The following ELFN1 variants were observed in gnomAD, a reference collection of about 807,000 sequenced individuals.
ELFN1 encodes the protein protein ELFN1.
In ELFN1, 6 loss-of-function variants were observed where a neutral mutation model predicts 7.6. The observed-to-expected ratio is 0.79, with a 90% CI of 0.43 to 1.56. The LOEUF (loss-of-function observed/expected upper bound fraction) is 1.56. Among genes scored for constraint, ELFN1 ranks in the 40% most tolerant of loss-of-function variants. The pLI is 0.01. For missense variants in ELFN1, 1,169 were observed against 1,232.2 expected (o/e 0.95, Z 0.77); for synonymous variants, 657 against 588.1 (o/e 1.12, Z -1.70).
intron 3 of ELFN1, among the ~76,000 whole-genome samples, chr7:1,711,577 AGAGAGAGAGAG>A (rs1779654268): frequency 1.8e-4 from 1 of 5,600 alleles, no homozygotes; most frequent in Non-Finnish European, 3.9e-4. Context: ...CGAGAGAGTG[AGAGAGAGAGAG>A]AGAGAGAGAG....
chr7:1,724,832 T>TCCC (rs1352633399), intron 3 of ELFN1, among the ~76,000 whole-genome samples: 1 of 152,134 alleles, frequency 6.6e-6, no homozygotes, highest in East Asian at 1.9e-4. Flanking sequence ...CACACCCACC[T>TCCC]CCCGTCCTGC....
rs115909895 is a variant in ELFN1, at chr7:1,732,062, C to T, written c.-293-12242C>T. Among the ~76,000 whole-genome samples the T allele has an allele frequency of 8.9e-3, 1,348 of 152,248 alleles. 20 individuals are homozygous for T. Among genetic ancestry groups the T allele is most frequent in the African/African-American group, 0.031 (1,287 of 41,534 alleles). ...ACCCCAGCTCCAGCCCTACCTGCCC[C>T]GAGCTTTCGGTGCAGAAGGTGGACT... On this transcript the variant is annotated intron_variant, in intron 3 of 3. Coordinates refer to ENST00000424383, the MANE Select transcript of ELFN1 (RefSeq NM_001128636.4).
At chr7:1,719,418 A>T (rs1779947814) in intron 3 of ELFN1, among the ~76,000 whole-genome samples, 3 of 151,924 alleles carry the variant, frequency 2.0e-5, no homozygotes, top group Admixed American at 2.0e-4. Flanking sequence ...CCCGCCCACC[A>T]ACAGGACCGG....
intron 2 of ELFN1, among the ~76,000 whole-genome samples, chr7:1,694,532 G>A (rs1212882794): frequency 2.6e-5 from 4 of 152,172 alleles, no homozygotes; most frequent in Admixed American, 1.3e-4. Flanking sequence ...TAGAGCTCTG[G>A]TCCATCAGTC....
Position 1,746,436 on chromosome 7 carries a change from C to T in ELFN1, c.1840C>T (p.Pro614Ser). 6.5e-7 allele frequency: 1 copy of T among 1,531,298 alleles called. No homozygotes were observed. Among genetic ancestry groups the T allele is most frequent in the Non-Finnish European group, 8.8e-7 (1 of 1,142,062 alleles). The allele number at this position is 1,531,298 out of a possible 1,614,324, so 94.9% of individuals were successfully genotyped here. Reference sequence around the variant, plus strand: ...GGCCGCCAAGCACGGCTTCCTGGCGCCCGGGTACAAGGACGCCTTCGGCCA... The same window carrying T: ...GGCCGCCAAGCACGGCTTCCTGGCGTCCGGGTACAAGGACGCCTTCGGCCA... ...PLAAKHGFLA[P>S]GYKDAFGHSL... is the part of the protein sequence containing the mutation. The change falls in exon 4 of 4, where the codon CCC becomes TCC. Residue 614 changes from proline to serine, a missense_variant. This residue lies in a region of ELFN1 where 914 missense variants were observed against 872.6 expected (regional missense o/e 1.05). Coordinates refer to ENST00000424383, the MANE Select transcript of ELFN1 (RefSeq NM_001128636.4).
Position 1,740,614 on chromosome 7 carries a change from C to A in ELFN1, c.-293-3690C>A, listed in dbSNP as rs189388711. 2.0e-5 allele frequency among the ~76,000 whole-genome samples: 3 copies of A among 152,228 alleles called. No individual in the cohort carries two copies. In the East Asian group the frequency reaches 5.8e-4, roughly 29 times the overall value. On this transcript the variant is annotated intron_variant, in intron 3 of 3. Coordinates refer to ENST00000424383, the MANE Select transcript of ELFN1 (RefSeq NM_001128636.4). This position sits in a 1 kb window ranked among gnomAD's most constrained non-coding sequence, Gnocchi z 5.0. ...TCCAGAACCTTCCTAGGTGATTCGG[C>A]CTTTCCCTGTTTCCTGTGCCAGGTC...
rs1019132149 is a variant in ELFN1, at chr7:1,746,753, C to T, written c.2157C>T (p.Pro719=). ...ACCCGGCCGAGCCACCTGCGCCCCC[C>T]GGGCCACCGCCGCCGCCTCCGCACG... The part of the protein sequence containing the change: ...GSHPAEPPAP[P]GPPPPPPHEG... The change falls in exon 4 of 4, where the codon CCC becomes CCT. Residue 719 remains proline (P), a synonymous_variant. Transcript: ENST00000424383. The T allele has an allele frequency of 4.0e-6, 6 of 1,499,888 alleles. No individual in the cohort carries two copies. The highest frequency in any genetic ancestry group is 5.3e-6 in the Non-Finnish European group (6 of 1,131,196). 92.9% of individuals were successfully genotyped at this position (1,499,888 alleles called of 1,614,324 possible).
chr7:1,696,809 G>A (rs10269310), intron 2 of ELFN1, among the ~76,000 whole-genome samples: 2,833 of 152,222 alleles, frequency 0.019, 94 homozygotes, highest in African/African-American at 0.065. Context: ...CTCATCAGCC[G>A]GGGGCCAGGG....
chr7:1,737,183 C>T (rs887103187), intron 3 of ELFN1, among the ~76,000 whole-genome samples: 1 of 152,166 alleles, frequency 6.6e-6, no homozygotes, highest in Non-Finnish European at 1.5e-5. Context: ...GAGCGCAGCT[C>T]CTGCCAAAGC....
At chr7:1,706,580 GGCCAGCA>G (rs749456533) in intron 2 of ELFN1, among the ~76,000 whole-genome samples, 2 of 152,196 alleles carry the variant, frequency 1.3e-5, no homozygotes, top group Non-Finnish European at 2.9e-5. Flanking sequence ...GCAGCCCCTG[GGCCAGCA>G]GCTGCTGTGT....
chr7:1,690,739 T>C (rs1345433397), intron 2 of ELFN1, among the ~76,000 whole-genome samples: 1 of 119,680 alleles, frequency 8.4e-6, no homozygotes, highest in Non-Finnish European at 1.8e-5. Flanking sequence ...GTGTGTGAAT[T>C]GATGAATGGA....
Position 1,718,028 on chromosome 7 carries a change from G to C in ELFN1, c.-294+8776G>C, listed in dbSNP as rs1779887435. On this transcript the variant is annotated intron_variant, in intron 3 of 3. Coordinates refer to ENST00000424383, the MANE Select transcript of ELFN1 (RefSeq NM_001128636.4). ...CTCTTTCACAAACAGCCAGAAGTCA[G>C]TGGCCCAGGGCTGGTAGGGTGGCTC... 2.0e-5 allele frequency among the ~76,000 whole-genome samples: 3 copies of C among 152,212 alleles called. No homozygotes were observed. The South Asian group carries it at 6.2e-4, about 32-fold the overall frequency.
intron 2 of ELFN1, chr7:1,693,556 C>T (rs56130225): frequency 0.1 from 47,855 of 471,156 alleles, 2,720 homozygotes; most frequent in Middle Eastern, 0.14. Context: ...CGCCTGTGGA[C>T]GTAGCCTTGC....
At chr7:1,703,090 A>T (rs898746885) in intron 2 of ELFN1, among the ~76,000 whole-genome samples, 5 of 152,174 alleles carry the variant, frequency 3.3e-5, no homozygotes, top group Non-Finnish European at 7.4e-5. Flanking sequence ...GTCTACTTTG[A>T]TGGGCCCATG....
chr7:1,686,046 C>T (rs1026944638), intron 1 of ELFN1, among the ~76,000 whole-genome samples: 5 of 144,184 alleles, frequency 3.5e-5, no homozygotes, highest in African/African-American at 2.7e-5. Flanking sequence ...CACTCAGTGA[C>T]GGTTTCCATT....
Position 1,713,949 on chromosome 7 carries a change from G to T in ELFN1, c.-294+4697G>T, listed in dbSNP as rs1258091059. Among the ~76,000 whole-genome samples the T allele has an allele frequency of 3.9e-5, 6 of 152,264 alleles. No homozygotes were observed. The East Asian group carries it at 1.2e-3, about 29-fold the overall frequency. On this transcript the variant is annotated intron_variant, in intron 3 of 3. Coordinates refer to ENST00000424383, the MANE Select transcript of ELFN1 (RefSeq NM_001128636.4). ...AGAGGGTGACAGGCGGCTGTGGCTG[G>T]CATGTTGAGCCGCCGTCCAGAGATC... is the stretch of plus-strand genomic sequence containing the variant.
At chr7:1,677,242 G>A (rs1778888677) in intron 1 of ELFN1, among the ~76,000 whole-genome samples, 1 of 152,220 alleles carries the variant, frequency 6.6e-6, no homozygotes, top group African/African-American at 2.4e-5. Context: ...TCAGAGCTGT[G>A]TTCTTGGGGA....
At chr7:1,698,643 G>A (rs1779366391) in intron 2 of ELFN1, among the ~76,000 whole-genome samples, 1 of 152,146 alleles carries the variant, frequency 6.6e-6, no homozygotes. Context: ...AAGAAAACTA[G>A]GAAAATGCTG....
Position 1,745,450 on chromosome 7 carries a change from G to C in ELFN1, c.854G>C (p.Ser285Thr). 1 of 1,540,710 alleles carries C rather than the reference G, an allele frequency of 6.5e-7. No homozygotes were observed. The highest frequency in any genetic ancestry group is 1.2e-5 in the South Asian group (1 of 84,012). Reference protein sequence around the residue: ...SPPPPPPPEPSDMPCADDECF... With the variant: ...SPPPPPPPEPTDMPCADDECF... Reference sequence around the variant, plus strand: ...CCGCCCCCGCCTCCGCCGGAGCCCAGTGACATGCCCTGTGCCGATGATGAG... The same window carrying C: ...CCGCCCCCGCCTCCGCCGGAGCCCACTGACATGCCCTGTGCCGATGATGAG... Residue 285 changes from serine (S) to threonine (T), a missense_variant, in exon 4 of 4, where the codon AGT becomes ACT. Around this residue, in one of 2 missense-constraint regions of ELFN1, gnomAD observed 914 missense variants for 872.6 expected, o/e 1.05. Transcript: ENST00000424383.
Sources: allele counts gnomAD v4.1 joint callset (sites outside exome capture counted in the v4.1 genomes callset), GRCh38; gene constraint gnomAD v4.1.1; regional missense constraint gnomAD v4.1.1; non-coding constraint Gnocchi (gnomAD v3.1); transcripts MANE v1.5; gene names NCBI Gene and HGNC (gene_info 2026-07-23, HGNC 2026-07-21).